The following FARP2 variants were observed in gnomAD, a reference collection of about 807,000 sequenced individuals.
FARP2 encodes the protein FERM, ARH/RhoGEF and pleckstrin domain protein 2, also known as FERM, ARHGEF and pleckstrin domain-containing protein 2.
FARP2 carries 111 observed loss-of-function variants against 130.5 expected under a neutral mutation model. The ratio of observed to expected loss-of-function variants is 0.85; its 90% CI spans 0.73 to 1.00. The LOEUF (loss-of-function observed/expected upper bound fraction) is 1.00. Ranked by LOEUF, FARP2 falls within the 50% of genes least tolerant of loss-of-function variation. The pLI, the probability that FARP2 is intolerant of heterozygous loss-of-function variation, is 0.00. For missense variants in FARP2, 1,385 were observed against 1,346.3 expected (o/e 1.03, Z -0.45); for synonymous variants, 504 against 516.9 (o/e 0.98, Z 0.34).
chr2:241,390,099 A>G (rs951429929), intron 2 of FARP2, among the ~76,000 whole-genome samples: 4 of 152,182 alleles, frequency 2.6e-5, no homozygotes, highest in Admixed American at 6.5e-5. Flanking sequence ...TTCACCTTTG[A>G]TAAGTGTTCT....
At chr2:241,367,088 C>T (rs2061334409) in intron 1 of FARP2, among the ~76,000 whole-genome samples, 1 of 152,150 alleles carries the variant, frequency 6.6e-6, no homozygotes. Context: ...GGGTTGCCCA[C>T]ATATGGATCC....
intron 1 of FARP2, among the ~76,000 whole-genome samples, chr2:241,358,243 G>A (rs536724472): frequency 3.7e-4 from 57 of 152,300 alleles, no homozygotes; most frequent in African/African-American, 1.4e-3. Flanking sequence ...CCTGGCACAA[G>A]GTAAGTGCTT....
chr2:241,435,110 G>A (rs886119079), intron 11 of FARP2, 80 bp downstream of exon 11: 2 of 789,552 alleles, frequency 2.5e-6, no homozygotes, highest in Non-Finnish European at 4.0e-6. Flanking sequence ...AGAGCGAAAA[G>A]AGAGACTGAG....
intron 5 of FARP2, 67 bp downstream of exon 5, chr2:241,407,682 G>A (rs1383328018): frequency 2.5e-6 from 3 of 1,193,290 alleles, no homozygotes; most frequent in Non-Finnish European, 3.7e-6. Flanking sequence ...ATCTCCCACA[G>A]CACCTGGCTC....
chr2:241,368,745 T>G (rs546869444), intron 1 of FARP2, among the ~76,000 whole-genome samples: 1 of 152,222 alleles, frequency 6.6e-6, no homozygotes, highest in East Asian at 1.9e-4. Context: ...TAGCTGAGAT[T>G]ATAGGTGTGC....
intron 7 of FARP2, among the ~76,000 whole-genome samples, chr2:241,415,977 C>T (rs1353716894): frequency 6.9e-6 from 1 of 145,572 alleles, no homozygotes; most frequent in Non-Finnish European, 1.5e-5. Context: ...GAACTGGACC[C>T]TCAGGGTAGT....
chr2:241,395,056 T>G (rs959626642), intron 2 of FARP2, among the ~76,000 whole-genome samples: 6 of 152,182 alleles, frequency 3.9e-5, no homozygotes, highest in African/African-American at 1.4e-4. Context: ...TACACTCCCA[T>G]AAAACCCATT....
chr2:241,358,787 A>T (rs941748553), intron 1 of FARP2, among the ~76,000 whole-genome samples: 4 of 152,188 alleles, frequency 2.6e-5, no homozygotes, highest in African/African-American at 9.7e-5. Flanking sequence ...CGTATTTGTC[A>T]ATGCCACAGG....
intron 24 of FARP2, 114 bp downstream of exon 24, chr2:241,491,793 A>G: frequency 9.8e-7 from 1 of 1,016,272 alleles, no homozygotes. Flanking sequence ...TTGGCCCCAG[A>G]GGACTGCCTC....
intron 12 of FARP2, 69 bp from the exon 13 acceptor site, chr2:241,441,235 G>A (rs1170251381): frequency 1.6e-5 from 24 of 1,468,748 alleles, no homozygotes; most frequent in Non-Finnish European, 2.2e-5. Flanking sequence ...AGGCCAGGTG[G>A]CTTTGCAACT....
intron 4 of FARP2, among the ~76,000 whole-genome samples, chr2:241,406,156 CGGGTGT>C (rs1208688617): frequency 1.3e-5 from 2 of 150,528 alleles, no homozygotes; most frequent in African/African-American, 4.9e-5. Flanking sequence ...ATAAATTAGC[CGGGTGT>C]AGGGGCATGG....
intron 15 of FARP2, 71 bp downstream of exon 15, chr2:241,462,683 C>T: frequency 9.6e-7 from 1 of 1,046,822 alleles, no homozygotes; most frequent in Non-Finnish European, 1.5e-6. Flanking sequence ...AGAAATATCT[C>T]TTTTTTTTCT....
chr2:241,450,978 A>T lies in FARP2; in HGVS notation c.1412-5769A>T, dbSNP rs141270819. ...AAAAATAAATATATATATTTTGAAG[A>T]TGATCAAATCTTGTTATTTGCTGGA... On this transcript the variant is annotated intron_variant, in intron 13 of 26. Transcript: ENST00000264042. 2.0e-5 allele frequency among the ~76,000 whole-genome samples: 3 copies of T among 152,264 alleles called. No homozygotes were observed. The East Asian group carries it at 5.8e-4, about 29-fold the overall frequency.
At position 241,459,841 on chromosome 2, in the gene FARP2, C is replaced by T. The variant is rs1031714949; in HGVS notation, c.1588-2682C>T. On this transcript the variant is annotated intron_variant, in intron 14 of 26. Transcript: ENST00000264042. The surrounding 1 kb of genome is among the most constrained non-coding windows in gnomAD (Gnocchi z 5.3). Reference sequence around the variant, plus strand: ...GGGCGGGGCGGGGCGGGGGCAGGGGCGGGACGGAAGACCCTTCTCTTGGCC... The same window carrying T: ...GGGCGGGGCGGGGCGGGGGCAGGGGTGGGACGGAAGACCCTTCTCTTGGCC... Among the ~76,000 whole-genome samples the T allele has an allele frequency of 7.3e-6, 1 of 136,594 alleles. No homozygotes were observed. The highest frequency in any genetic ancestry group is 2.7e-5 in the African/African-American group (1 of 37,576). 89.6% of individuals were successfully genotyped at this position (136,594 alleles called of 152,430 possible).
intron 2 of FARP2, among the ~76,000 whole-genome samples, chr2:241,375,872 T>C (rs2061525025): frequency 6.6e-6 from 1 of 151,928 alleles, no homozygotes; most frequent in Non-Finnish European, 1.5e-5. Flanking sequence ...GGACTACAGG[T>C]GTGAGCCACT....
At chr2:241,398,078 G>A (rs908821122) in intron 2 of FARP2, among the ~76,000 whole-genome samples, 2 of 151,776 alleles carry the variant, frequency 1.3e-5, no homozygotes, top group Non-Finnish European at 1.5e-5. Context: ...TGATCCGCCC[G>A]CCTCGGCCTC....
At chr2:241,420,782 C>T (rs1007315003) in intron 8 of FARP2, among the ~76,000 whole-genome samples, 1 of 152,170 alleles carries the variant, frequency 6.6e-6, no homozygotes, top group Non-Finnish European at 1.5e-5. Flanking sequence ...AGGAACCCAA[C>T]CCCAGCAGAC....
intron 18 of FARP2, among the ~76,000 whole-genome samples, chr2:241,469,159 T>C (rs1031974139): frequency 6.6e-6 from 1 of 152,078 alleles, no homozygotes; most frequent in Non-Finnish European, 1.5e-5. Context: ...TGATCTTGGC[T>C]TACTGCAATC....
chr2:241,468,523 C>G (rs953794962), intron 18 of FARP2, 146 bp downstream of exon 18: 3 of 646,320 alleles, frequency 4.6e-6, no homozygotes, highest in African/African-American at 1.8e-5. Flanking sequence ...TCAGCATTGG[C>G]CCTGGCCTTC....
Sources: allele counts gnomAD v4.1 joint callset (sites outside exome capture counted in the v4.1 genomes callset), GRCh38; gene constraint gnomAD v4.1.1; non-coding constraint Gnocchi (gnomAD v3.1); transcripts MANE v1.5; gene names NCBI Gene and HGNC (gene_info 2026-07-23, HGNC 2026-07-21).